The following DKKL1 variants were observed in gnomAD, a reference collection of about 807,000 sequenced individuals.
The protein encoded by DKKL1 is dickkopf-like protein 1.
Under a neutral mutation model 16.5 loss-of-function variants are expected in DKKL1, and 11 were observed. The ratio of observed to expected loss-of-function variants is 0.67; its 90% CI spans 0.42 to 1.10. DKKL1 has a LOEUF of 1.10. Among genes scored for constraint, DKKL1 ranks in the 50% least tolerant of loss-of-function variants. The pLI is 0.00. For synonymous variants in DKKL1, 119 were observed against 133.2 expected (o/e 0.89, Z 0.73); for missense variants, 320 against 308.1 (o/e 1.04, Z -0.29).
chr19:49,367,287 C>T (rs1298587910), intron 4 of DKKL1, among the ~76,000 whole-genome samples: 1 of 152,092 alleles, frequency 6.6e-6, no homozygotes, highest in African/African-American at 2.4e-5. Flanking sequence ...CCACCTGCCT[C>T]GGCCTCCCAA....
At chr19:49,361,178 A>C (rs1972879023), upstream of DKKL1, among the ~76,000 whole-genome samples, 1 of 129,408 alleles carries the variant, frequency 7.7e-6, no homozygotes, top group Non-Finnish European at 1.6e-5. Context: ...CAGGGACCAG[A>C]GAGAGGGGTC....
rs775657596 is a variant in DKKL1, at chr19:49,374,767, G to A, written c.468G>A (p.Thr156=). The part of the protein sequence containing the change: ...KEALVPIQKA[T]DSFHTELHPR... ...CCCTGGTACCCATCCAGAAGGCCAC[G>A]GACAGCTTCCACACAGAACTCCATC... The change falls in exon 5 of 5, where the codon ACG becomes ACA. Residue 156 remains threonine (T), a synonymous_variant. Coordinates refer to ENST00000221498, the MANE Select transcript of DKKL1 (RefSeq NM_014419.4). The A allele has an allele frequency of 1.9e-5, 31 of 1,590,438 alleles. No individual in the cohort carries two copies. Among genetic ancestry groups the A allele is most frequent in the South Asian group, 4.5e-5 (4 of 88,058 alleles).
chr19:49,365,482 G>A (rs967848672), intron 2 of DKKL1, 27 bp from the exon 3 acceptor site: 2 of 1,572,614 alleles, frequency 1.3e-6, no homozygotes, highest in Non-Finnish European at 1.7e-6. Context: ...AGGTCCAGCA[G>A]CTCACCAGTC....
chr19:49,365,551 A>C lies in DKKL1; in HGVS notation c.226A>C (p.Met76Leu). The change falls in exon 3 of 5, where the codon ATG becomes CTG. Residue 76 changes from methionine (M) to leucine (L), a missense_variant. Met to Leu is a conservative substitution (Grantham distance 15). Coordinates refer to ENST00000221498, the MANE Select transcript of DKKL1 (RefSeq NM_014419.4). ...CATAGACAGCTTATTCTCTGCCCCC[A>C]TGGACTTCCGGGGCCTCCCTGGGAA... ...RGIDSLFSAP[M>L]DFRGLPGNYH... 6.2e-7 allele frequency: 1 copy of C among 1,613,732 alleles called. No homozygotes were observed. Among genetic ancestry groups the C allele is most frequent in the Non-Finnish European group, 8.5e-7 (1 of 1,179,808 alleles).
chr19:49,370,979 C>G (rs1973459839), intron 4 of DKKL1: 1 of 152,218 alleles, frequency 6.6e-6, no homozygotes, highest in Admixed American at 6.5e-5. Flanking sequence ...AATGGTGGCT[C>G]TGAGGACAGC....
intron 4 of DKKL1, chr19:49,368,773 A>G (rs907054115): frequency 1.3e-5 from 2 of 152,136 alleles, no homozygotes; most frequent in South Asian, 2.1e-4. Flanking sequence ...TTTTTAAACC[A>G]TATCTTATGT....
rs1018884184 is a variant in DKKL1, at chr19:49,364,688, A to G, written c.117A>G (p.Gln39=). 2 of 1,614,170 alleles carry G rather than the reference A, an allele frequency of 1.2e-6. No individual in the cohort carries two copies. The highest frequency in any genetic ancestry group is 1.1e-5 in the South Asian group (1 of 91,080). ...CTCCTATCCATGATGCTGACGCCCA[A>G]GAGAGCTCCTTGGGTCTCACAGGCC... is the stretch of plus-strand genomic sequence containing the variant. ...AAAPIHDADA[Q]ESSLGLTGLQ... Residue 39 remains glutamine (Q), a synonymous_variant, in exon 2 of 5, where the codon CAA becomes CAG. Transcript: ENST00000221498.
intron 1 of DKKL1, 152 bp from the exon 2 acceptor site, chr19:49,364,430 T>A: frequency 1.9e-6 from 1 of 536,470 alleles, no homozygotes; most frequent in Non-Finnish European, 3.1e-6. Context: ...AGGTGGAGGG[T>A]GTGGGAGTAG....
upstream of DKKL1, among the ~76,000 whole-genome samples, chr19:49,360,831 G>A (rs1272816677): frequency 7.9e-6 from 1 of 127,246 alleles, no homozygotes; most frequent in Non-Finnish European, 1.7e-5. Flanking sequence ...AGAGAGAAGG[G>A]GACAGAGACC....
At chr19:49,363,705 A>G, upstream of DKKL1, 1 of 484,328 alleles carries the variant, frequency 2.1e-6, no homozygotes, top group Non-Finnish European at 3.8e-6. Flanking sequence ...GAATGAACTC[A>G]CGGCTCTGGC....
intron 4 of DKKL1, among the ~76,000 whole-genome samples, chr19:49,374,068 T>C (rs1973623234): frequency 1.3e-5 from 2 of 151,806 alleles, no homozygotes; most frequent in Admixed American, 6.6e-5. Flanking sequence ...CACTGCAAGC[T>C]CCGCCTCCTG....
intron 4 of DKKL1, among the ~76,000 whole-genome samples, chr19:49,373,201 G>A (rs1437690200): frequency 2.0e-5 from 3 of 151,622 alleles, no homozygotes; most frequent in Non-Finnish European, 2.9e-5. Context: ...TACTCTGGAG[G>A]CTGTGGTGGG....
At chr19:49,362,637 G>A (rs1271811216), upstream of DKKL1, among the ~76,000 whole-genome samples, 3 of 152,076 alleles carry the variant, frequency 2.0e-5, no homozygotes, top group Admixed American at 1.3e-4. Context: ...CAAGTCGGAG[G>A]GAAAAGGCTG....
chr19:49,361,001 CAG>C (rs1568585259), upstream of DKKL1, among the ~76,000 whole-genome samples: 1 of 51,250 alleles, frequency 2.0e-5, no homozygotes. Flanking sequence ...GGACAGAGAC[CAG>C]AGGGAGGGGG....
At chr19:49,373,206 G>A (rs1267648633) in intron 4 of DKKL1, among the ~76,000 whole-genome samples, 1 of 151,292 alleles carries the variant, frequency 6.6e-6, no homozygotes, top group African/African-American at 2.4e-5. Context: ...TGGAGGCTGT[G>A]GTGGGAGAAT....
chr19:49,367,924 C>T (rs1973320854), intron 4 of DKKL1, among the ~76,000 whole-genome samples: 1 of 152,014 alleles, frequency 6.6e-6, no homozygotes. Context: ...ACCTATAATC[C>T]TAGCAATTTG....
upstream of DKKL1, chr19:49,361,864 C>T (rs75442571): frequency 5.9e-3 from 904 of 152,858 alleles, 4 homozygotes; most frequent in Non-Finnish European, 8.8e-3. Context: ...AATCCCAGCC[C>T]AGCCCTTCCC....
chr19:49,372,090 G>A (rs1600853382), intron 4 of DKKL1, among the ~76,000 whole-genome samples: 1 of 152,214 alleles, frequency 6.6e-6, no homozygotes, highest in East Asian at 1.9e-4. Context: ...GCATGTGCCT[G>A]TGTCTTTATG....
rs772148201 is a variant in DKKL1 at position 49,374,687 on chromosome 19, T to C, written c.418-30T>C. On this transcript the variant is annotated intron_variant, in intron 4 of 4. Transcript: ENST00000221498. ...CCATCCTGGGGTGCTGTTTGGAGTATGAGAGGGTCTCCTTGTTCTTCCTCC... is the reference window on the plus strand; with the variant it reads ...CCATCCTGGGGTGCTGTTTGGAGTACGAGAGGGTCTCCTTGTTCTTCCTCC... 15 of 1,513,832 alleles carry C rather than the reference T, an allele frequency of 9.9e-6. No individual in the cohort carries two copies. The Admixed American group carries it at 1.3e-4, about 13-fold the overall frequency. 93.8% of individuals were successfully genotyped at this position (1,513,832 alleles called of 1,614,324 possible). A position where few individuals can be genotyped will look rare whatever the true frequency, so the allele number is the denominator to read the frequency against.
Sources: allele counts gnomAD v4.1 joint callset (sites outside exome capture counted in the v4.1 genomes callset), GRCh38; gene constraint gnomAD v4.1.1; transcripts MANE v1.5; gene names NCBI Gene and HGNC (gene_info 2026-07-23, HGNC 2026-07-21).